The following LOXL2 variants were observed in gnomAD, a reference collection of about 807,000 sequenced individuals.
LOXL2 encodes lysyl oxidase homolog 2.
A neutral mutation model predicts 93.0 loss-of-function variants in LOXL2; 70 were observed. The observed-to-expected ratio is 0.75, with a 90% CI of 0.62 to 0.92. The LOEUF (loss-of-function observed/expected upper bound fraction) is 0.92, where lower values mean the gene tolerates loss of function less well. Among genes scored for constraint, LOXL2 ranks in the 40% least tolerant of loss-of-function variants. LOXL2 has a pLI of 0.00. For missense variants in LOXL2, 973 were observed against 1,054.9 expected (o/e 0.92, Z 1.08); for synonymous variants, 438 against 413.2 (o/e 1.06, Z -0.73).
chr8:23,335,406 G>A (rs1377229129), intron 4 of LOXL2, among the ~76,000 whole-genome samples: 1 of 152,142 alleles, frequency 6.6e-6, no homozygotes, highest in African/African-American at 2.4e-5. Flanking sequence ...TTAAAACAGT[G>A]CCCAGAGATA....
At chr8:23,313,950 G>C (rs1585345532) in intron 9 of LOXL2, among the ~76,000 whole-genome samples, 1 of 69,484 alleles carries the variant, frequency 1.4e-5, no homozygotes, top group Non-Finnish European at 3.4e-5. Flanking sequence ...AAATTTACAA[G>C]AAAAAAACAA....
At chr8:23,309,947 G>C in intron 9 of LOXL2, 36 bp from the exon 10 acceptor site, 5 of 1,428,782 alleles carry the variant, frequency 3.5e-6, no homozygotes, top group Non-Finnish European at 4.6e-6. Flanking sequence ...CAAGGCAAGA[G>C]ACCCCTCCCC....
At chr8:23,328,347 G>A (rs1172516857) in intron 6 of LOXL2, 35 bp downstream of exon 6, 2 of 1,606,660 alleles carry the variant, frequency 1.2e-6, no homozygotes, top group African/African-American at 1.3e-5. Context: ...ATGCTCCCAG[G>A]AAGAGAGGCC....
intron 1 of LOXL2, among the ~76,000 whole-genome samples, chr8:23,401,331 T>G (rs1032301421): frequency 6.6e-6 from 1 of 152,132 alleles, no homozygotes; most frequent in African/African-American, 2.4e-5. Flanking sequence ...AAAGACATTT[T>G]GAGGAAAATT....
At position 23,362,670 on chromosome 8, in the gene LOXL2, G is replaced by C. The variant is rs533281079; in HGVS notation, c.356-2405C>G. Among the ~76,000 whole-genome samples the C allele has an allele frequency of 1.2e-3, 184 of 152,296 alleles. 1 individual carries two copies. The highest frequency in any genetic ancestry group is 4.2e-3 in the African/African-American group (174 of 41,568). ...AATTGCTTGAGCCCAGAAGGTTGAG[G>C]CTGCAGTGAGCTGTGATTGTGCCAT... On this transcript the variant is annotated intron_variant, in intron 2 of 13. Transcript: ENST00000389131.
Position 23,302,098 on chromosome 8 carries a change from T to C in LOXL2, c.2062A>G (p.Met688Val), listed in dbSNP as rs1291910293. 6.2e-7 allele frequency: 1 copy of C among 1,614,140 alleles called. No individual in the cohort carries two copies. The highest frequency in any genetic ancestry group is 2.2e-5 in the East Asian group (1 of 44,888). The change falls in exon 12 of 14, where the codon ATG (methionine) becomes GTG (valine). Residue 688 changes from methionine to valine, a missense_variant. Transcript: ENST00000389131. ...TGGCAGTCGATGTCATGGCGGTACA[T>C]GTCCCAGCAGCCCATGGTGATGCCC... ...DQGITMGCWDMYRHDIDCQWV... is the reference protein window; with the variant it reads ...DQGITMGCWDVYRHDIDCQWV...
At chr8:23,344,191 T>A (rs144962534) in intron 3 of LOXL2, among the ~76,000 whole-genome samples, 76 of 152,358 alleles carry the variant, frequency 5.0e-4, no homozygotes, top group African/African-American at 1.7e-3. Flanking sequence ...GTTCCTGCGA[T>A]GATGCGGGAC....
At chr8:23,396,131 C>G (rs1251498006) in intron 1 of LOXL2, among the ~76,000 whole-genome samples, 1 of 151,924 alleles carries the variant, frequency 6.6e-6, no homozygotes, top group Non-Finnish European at 1.5e-5. Flanking sequence ...GCAGCCTGAC[C>G]AACATGGAGA....
intron 1 of LOXL2, among the ~76,000 whole-genome samples, chr8:23,402,242 CACAA>C (rs1367622338): frequency 6.6e-6 from 1 of 151,930 alleles, no homozygotes; most frequent in Admixed American, 6.5e-5. Context: ...CACACACATA[CACAA>C]ACACACTCGT....
chr8:23,350,320 T>G (rs1804071810), intron 3 of LOXL2, among the ~76,000 whole-genome samples: 1 of 152,150 alleles, frequency 6.6e-6, no homozygotes, highest in South Asian at 2.1e-4. Flanking sequence ...GGCACGCACC[T>G]GTAATCTCAA....
chr8:23,328,320 G>A (rs1803617907), intron 6 of LOXL2, 62 bp downstream of exon 6: 2 of 1,559,874 alleles, frequency 1.3e-6, no homozygotes, highest in Admixed American at 1.7e-5. Context: ...CAGCAGCCAG[G>A]CTGGGCTCAC....
At chr8:23,361,586 T>C (rs7002642) in intron 2 of LOXL2, among the ~76,000 whole-genome samples, 30,343 of 152,082 alleles carry the variant, frequency 0.2, 4,148 homozygotes, top group African/African-American at 0.39. Context: ...CTCACGCCTG[T>C]AATCCCAGCA....
In LOXL2 at chr8:23,322,304, C is replaced by A. The variant is rs762551423; in HGVS notation, c.1151-23G>T. The A allele has an allele frequency of 3.7e-6, 6 of 1,606,840 alleles. No homozygotes were observed. In the African/African-American group the frequency reaches 4.0e-5, roughly 11 times the overall value. On this transcript the variant is annotated intron_variant, in intron 6 of 13. Coordinates refer to ENST00000389131, the MANE Select transcript of LOXL2 (RefSeq NM_002318.3). ...TCCCTGCAAGGGGAGAATAAACATG[C>A]TCTATGAAAGCTTTGGAAGGAAACT...
intron 3 of LOXL2, among the ~76,000 whole-genome samples, chr8:23,357,294 T>C (rs1804216651): frequency 6.6e-6 from 1 of 152,168 alleles, no homozygotes; most frequent in Non-Finnish European, 1.5e-5. Context: ...GGTCTTGAAC[T>C]CCTGACCTCA....
chr8:23,361,672 C>T lies in LOXL2; in HGVS notation c.356-1407G>A, dbSNP rs186123321. Among the ~76,000 whole-genome samples the T allele has an allele frequency of 2.3e-3, 350 of 152,228 alleles. 1 individual carries two copies. Among genetic ancestry groups the T allele is most frequent in the African/African-American group, 8.0e-3 (333 of 41,518 alleles). On this transcript the variant is annotated intron_variant, in intron 2 of 13. Transcript: ENST00000389131. ...CCTGGCCAACATGGTGAAACCCCGT[C>T]TCTACTAAAATACAAAAAATTAGAC...
intron 3 of LOXL2, among the ~76,000 whole-genome samples, chr8:23,342,773 C>T (rs1219138009): frequency 1.3e-5 from 2 of 151,494 alleles, no homozygotes; most frequent in Non-Finnish European, 2.9e-5. Flanking sequence ...TTTTTTGAGG[C>T]AGGGTCTCAC....
chr8:23,356,668 G>A (rs549326692), intron 3 of LOXL2, among the ~76,000 whole-genome samples: 1 of 152,302 alleles, frequency 6.6e-6, no homozygotes, highest in African/African-American at 2.4e-5. Flanking sequence ...AAGTCTCTGT[G>A]GTTGGGCCAG....
At chr8:23,304,429 C>T (rs879394246) in intron 10 of LOXL2, among the ~76,000 whole-genome samples, 4 of 152,214 alleles carry the variant, frequency 2.6e-5, no homozygotes, top group Non-Finnish European at 5.9e-5. Flanking sequence ...CCGATCCCAA[C>T]CTGCAACGAG....
rs972297785 is a variant in LOXL2, at chr8:23,347,056, C to T, written c.532-5853G>A. On this transcript the variant is annotated intron_variant, in intron 3 of 13. Coordinates refer to ENST00000389131, the MANE Select transcript of LOXL2 (RefSeq NM_002318.3). ...AAACAGGGCAGGGCATGGTGACTCA[C>T]GCCTCTAATCCCAGCACTTTGGGAG... is the stretch of plus-strand genomic sequence containing the variant. 3.9e-5 allele frequency among the ~76,000 whole-genome samples: 6 copies of T among 152,134 alleles called. No individual in the cohort carries two copies. In the South Asian group the frequency reaches 6.2e-4, roughly 16 times the overall value.
Sources: allele counts gnomAD v4.1 joint callset (sites outside exome capture counted in the v4.1 genomes callset), GRCh38; gene constraint gnomAD v4.1.1; transcripts MANE v1.5; gene names NCBI Gene and HGNC (gene_info 2026-07-23, HGNC 2026-07-21).